IL1RAPL2: variants seen among roughly 807,000 people sequenced by gnomAD.
The protein encoded by IL1RAPL2 is interleukin 1 receptor accessory protein like 2, also known as X-linked interleukin-1 receptor accessory protein-like 2.
IL1RAPL2 carries 3 observed loss-of-function variants against 44.1 expected under a neutral mutation model. The observed-to-expected ratio is 0.07, with a 90% CI of 0.03 to 0.18. The LOEUF (loss-of-function observed/expected upper bound fraction) is 0.18, where lower values mean the gene tolerates loss of function less well. IL1RAPL2 is among the 10% of genes least tolerant of loss of function. The pLI is 1.00. For synonymous variants in IL1RAPL2, 181 were observed against 178.8 expected (o/e 1.01, Z -0.10); for missense variants, 391 against 496.4 (o/e 0.79, Z 2.02).
chrX:105,341,432 A>T (rs766397273), intron 5 of IL1RAPL2, among the ~76,000 whole-genome samples: 1 of 110,607 alleles, frequency 9.0e-6, no homozygotes, highest in East Asian at 2.9e-4. Flanking sequence ...CCTCTCATCC[A>T]TCTAGATATT....
intron 6 of IL1RAPL2, among the ~76,000 whole-genome samples, chrX:105,640,255 A>C: frequency 1.8e-5 from 2 of 110,265 alleles, no homozygotes; most frequent in Non-Finnish European, 1.9e-5. Flanking sequence ...TTAGCAAAAA[A>C]GTTAGTGGCC....
intron 6 of IL1RAPL2, among the ~76,000 whole-genome samples, chrX:105,619,807 A>G (rs185824828): frequency 4.1e-4 from 46 of 111,371 alleles, no homozygotes; most frequent in Non-Finnish European, 7.4e-4. Context: ...ATGATATGCC[A>G]TAGGTTTTTG....
chrX:105,432,129 C>CTTTTTTTTTTTTT (rs386417369), intron 5 of IL1RAPL2, among the ~76,000 whole-genome samples: 12 of 44,833 alleles, frequency 2.7e-4, no homozygotes, highest in Admixed American at 8.1e-4. Flanking sequence ...TTCAATTTGC[C>CTTTTTTTTTTTTT]TTTTTTTTTT....
At chrX:104,921,318 C>T (rs1205648243) in intron 2 of IL1RAPL2, among the ~76,000 whole-genome samples, 1 of 102,993 alleles carries the variant, frequency 9.7e-6, no homozygotes, top group Admixed American at 1.1e-4. Context: ...GAGAACAGGG[C>T]CAGGGAATGC....
At chrX:105,660,672 G>T (rs1258902529) in intron 6 of IL1RAPL2, among the ~76,000 whole-genome samples, 2 of 111,635 alleles carry the variant, frequency 1.8e-5, no homozygotes, top group African/African-American at 3.3e-5. Flanking sequence ...TTTTCATTTT[G>T]CATGTTTGTT....
At chrX:105,613,588 G>C (rs1185112116) in intron 6 of IL1RAPL2, among the ~76,000 whole-genome samples, 1 of 111,785 alleles carries the variant, frequency 8.9e-6, no homozygotes, top group Admixed American at 9.5e-5. Flanking sequence ...ACCTGCTGTG[G>C]GCCAGAGGGG....
intron 2 of IL1RAPL2, among the ~76,000 whole-genome samples, chrX:104,711,770 AAG>A (rs1035111436): frequency 1.2e-4 from 13 of 110,790 alleles, no homozygotes; most frequent in African/African-American, 2.3e-4. Flanking sequence ...GAGACACTGG[AAG>A]AGAGAGAGAG....
chrX:105,218,377 G>A (rs781995849), intron 3 of IL1RAPL2, among the ~76,000 whole-genome samples: 3 of 111,115 alleles, frequency 2.7e-5, no homozygotes, highest in African/African-American at 9.8e-5. Flanking sequence ...CCATGGCTCC[G>A]GTCCTGGCCC....
chrX:105,182,940 G>A (rs140575841), intron 2 of IL1RAPL2, among the ~76,000 whole-genome samples: 483 of 111,265 alleles, frequency 4.3e-3, no homozygotes, highest in African/African-American at 0.014. Flanking sequence ...TGCAGGTAGT[G>A]GGGATAGTGG....
At chrX:105,405,035 TAGAG>T (rs200632858) in intron 5 of IL1RAPL2, among the ~76,000 whole-genome samples, 1 of 111,378 alleles carries the variant, frequency 9.0e-6, no homozygotes, top group East Asian at 2.8e-4. Context: ...TACATATATA[TAGAG>T]AGAGAGACTT....
At chrX:105,565,424 G>A (rs1020356302) in intron 6 of IL1RAPL2, among the ~76,000 whole-genome samples, 9 of 111,212 alleles carry the variant, frequency 8.1e-5, no homozygotes, top group Non-Finnish European at 1.5e-4. Context: ...ATTCTACCAT[G>A]GATTTTCTAA....
chrX:105,332,752 G>T (rs2034996662), intron 5 of IL1RAPL2, among the ~76,000 whole-genome samples: 1 of 111,681 alleles, frequency 9.0e-6, no homozygotes, highest in Non-Finnish European at 1.9e-5. Context: ...ATTTTAAAAA[G>T]TAGTAGTCCA....
chrX:104,779,489 TG>T (rs1271881720), intron 2 of IL1RAPL2, among the ~76,000 whole-genome samples: 12 of 112,080 alleles, frequency 1.1e-4, no homozygotes, highest in Non-Finnish European at 2.3e-4. Context: ...CTACCACTAA[TG>T]GGGATTAGGG....
At chrX:105,722,603 G>A (rs2038315220) in intron 7 of IL1RAPL2, among the ~76,000 whole-genome samples, 1 of 111,651 alleles carries the variant, frequency 9.0e-6, no homozygotes, top group Non-Finnish European at 1.9e-5. Flanking sequence ...GAGTTCTGAC[G>A]GCAGAATACT....
intron 5 of IL1RAPL2, among the ~76,000 whole-genome samples, chrX:105,463,613 C>T (rs1484637325): frequency 9.1e-6 from 1 of 110,040 alleles, no homozygotes; most frequent in Non-Finnish European, 1.9e-5. Context: ...TGCACGCATA[C>T]ACTTGTGCCC....
At chrX:105,513,884 A>G (rs952240218) in intron 6 of IL1RAPL2, among the ~76,000 whole-genome samples, 1 of 111,330 alleles carries the variant, frequency 9.0e-6, no homozygotes, top group African/African-American at 3.3e-5. Context: ...GTTTTCTTCT[A>G]GGATTTTTAT....
chrX:105,453,273 G>T (rs1015833615), intron 5 of IL1RAPL2, among the ~76,000 whole-genome samples: 4 of 111,948 alleles, frequency 3.6e-5, no homozygotes, highest in African/African-American at 6.5e-5. Context: ...GGTAAATATT[G>T]GCTAATGGTA....
At chrX:105,129,247 T>C (rs1301756814) in intron 2 of IL1RAPL2, among the ~76,000 whole-genome samples, 1 of 110,453 alleles carries the variant, frequency 9.1e-6, no homozygotes, top group Admixed American at 9.7e-5. Context: ...GGGCTTGCTC[T>C]CAGCCTCATA....
At chrX:104,853,017 G>A (rs1922268564) in intron 2 of IL1RAPL2, among the ~76,000 whole-genome samples, 1 of 111,668 alleles carries the variant, frequency 9.0e-6, no homozygotes, top group African/African-American at 3.3e-5. Context: ...TTACTTGTGG[G>A]AAATCAAAAT....
Sources: allele counts gnomAD v4.1 joint callset (sites outside exome capture counted in the v4.1 genomes callset), GRCh38; gene constraint gnomAD v4.1.1; transcripts MANE v1.5; gene names NCBI Gene and HGNC (gene_info 2026-07-23, HGNC 2026-07-21).